The following GRXCR2 variants were observed in gnomAD, a reference collection of about 807,000 sequenced individuals.
The protein encoded by GRXCR2 is glutaredoxin domain-containing cysteine-rich protein 2.
In GRXCR2, 23 loss-of-function variants were observed where a neutral mutation model predicts 24.8. The ratio of observed to expected loss-of-function variants is 0.93; its 90% CI spans 0.67 to 1.32. The LOEUF (loss-of-function observed/expected upper bound fraction) is 1.32. Ranked by LOEUF, GRXCR2 falls within the 40% of genes most tolerant of loss-of-function variation. The probability of loss-of-function intolerance (pLI) is 0.00; values close to 1 mark genes in which losing one functional copy is unlikely to be tolerated. For missense variants in GRXCR2, 315 were observed against 303.4 expected (o/e 1.04, Z -0.28); for synonymous variants, 130 against 116.1 (o/e 1.12, Z -0.77).
intron 2 of GRXCR2, among the ~76,000 whole-genome samples, chr5:145,881,322 T>G (rs1756697743): frequency 1.3e-5 from 2 of 152,224 alleles, no homozygotes; most frequent in Admixed American, 1.3e-4. Context: ...GATAAGCAAC[T>G]TCAGCAAAGT....
intron 2 of GRXCR2, among the ~76,000 whole-genome samples, chr5:145,914,620 G>A (rs1339761873): frequency 6.9e-6 from 1 of 144,432 alleles, no homozygotes; most frequent in Non-Finnish European, 1.5e-5. Flanking sequence ...AGGTTGCAGT[G>A]AGCCGAGATG....
intron 2 of GRXCR2, among the ~76,000 whole-genome samples, chr5:145,885,214 TC>T (rs1237739610): frequency 1.1e-4 from 16 of 152,122 alleles, no homozygotes; most frequent in Admixed American, 9.8e-4. Flanking sequence ...TAGTTATTGA[TC>T]ATTTGTAGAG....
chr5:145,881,931 A>G (rs1224686686), intron 2 of GRXCR2, among the ~76,000 whole-genome samples: 1 of 152,206 alleles, frequency 6.6e-6, no homozygotes, highest in African/African-American at 2.4e-5. Flanking sequence ...AGGATTCCCT[A>G]TTTCATAAAT....
chr5:145,911,154 A>C (rs902883105), intron 2 of GRXCR2, among the ~76,000 whole-genome samples: 3 of 152,198 alleles, frequency 2.0e-5, no homozygotes, highest in African/African-American at 7.2e-5. Flanking sequence ...TGTACTGATC[A>C]CCACAAATTA....
chr5:145,867,413 C>T (rs569085550), intron 1 of GRXCR2, among the ~76,000 whole-genome samples: 112 of 152,198 alleles, frequency 7.4e-4, no homozygotes, highest in African/African-American at 2.6e-3. Context: ...CCAAAAAATA[C>T]GATCATAATA....
At chr5:145,896,511 A>C (rs532299894) in intron 2 of GRXCR2, among the ~76,000 whole-genome samples, 19 of 152,366 alleles carry the variant, frequency 1.2e-4, no homozygotes, top group African/African-American at 4.6e-4. Flanking sequence ...ACATTCATGC[A>C]GCCAAAAGGC....
At chr5:145,909,984 T>C (rs1757143208) in intron 2 of GRXCR2, among the ~76,000 whole-genome samples, 1 of 152,190 alleles carries the variant, frequency 6.6e-6, no homozygotes, top group South Asian at 2.1e-4. Flanking sequence ...AGGCTGGTGC[T>C]AAACTGTAAG....
intron 2 of GRXCR2, among the ~76,000 whole-genome samples, chr5:145,895,313 A>G (rs1308582761): frequency 2.0e-5 from 3 of 151,970 alleles, no homozygotes; most frequent in Non-Finnish European, 2.9e-5. Context: ...GGAAATAAAG[A>G]GTATTCGACT....
intron 2 of GRXCR2, among the ~76,000 whole-genome samples, chr5:145,929,949 C>A (rs1468547649): frequency 6.6e-6 from 1 of 151,916 alleles, no homozygotes; most frequent in Non-Finnish European, 1.5e-5. Flanking sequence ...CCTGGGGTAC[C>A]CTAACCCAAA....
intron 2 of GRXCR2, among the ~76,000 whole-genome samples, chr5:145,901,239 C>T (rs961619059): frequency 1.3e-5 from 2 of 151,882 alleles, no homozygotes; most frequent in African/African-American, 2.4e-5. Flanking sequence ...ATACCCCTGA[C>T]CTCAGCATCA....
rs114823550 is a variant in GRXCR2, at chr5:145,918,479, G to A, written c.-70+17222C>T. ...AAAGTAAATATTTTGTAGTTCCACA[G>A]AAGGAAGGACTGAGAGTTCTCACAA... On this transcript the variant is annotated intron_variant, in intron 2 of 3. Transcript: ENST00000639411. Among the ~76,000 whole-genome samples, 429 of 152,290 alleles carry A rather than the reference G, an allele frequency of 2.8e-3. 2 individuals carry two copies. The highest frequency in any genetic ancestry group is 0.01 in the African/African-American group (419 of 41,562).
intron 2 of GRXCR2, among the ~76,000 whole-genome samples, chr5:145,926,593 G>A (rs1757400579): frequency 6.6e-6 from 1 of 152,152 alleles, no homozygotes; most frequent in Non-Finnish European, 1.5e-5. Context: ...CTATATCTCT[G>A]TGTTGGTACC....
In GRXCR2 at chr5:145,859,664, G is replaced by C. The variant is rs1043984014; in HGVS notation, c.*69C>G. ...CTTGTTGGGAGAGGCAGGAGGAGGA[G>C]AAGGGGGCGGTTTATTAGAAATAAC... On this transcript the variant is annotated 3_prime_UTR_variant, in exon 3 of 3. Transcript: ENST00000377976. 4.8e-6 allele frequency: 7 copies of C among 1,461,446 alleles called. No homozygotes were observed. The highest frequency in any genetic ancestry group is 6.7e-6 in the Non-Finnish European group (7 of 1,047,180). 90.5% of individuals were successfully genotyped at this position (1,461,446 alleles called of 1,614,324 possible).
At chr5:145,913,567 A>T (rs746945670) in intron 2 of GRXCR2, among the ~76,000 whole-genome samples, 58 of 152,194 alleles carry the variant, frequency 3.8e-4, no homozygotes, top group Non-Finnish European at 6.0e-4. Flanking sequence ...TTTATGAAAA[A>T]CTTAATACAT....
Position 145,887,364 on chromosome 5 carries a change from C to T in GRXCR2, c.-69-20636G>A, listed in dbSNP as rs549596562. On this transcript the variant is annotated intron_variant, in intron 2 of 3. Transcript: ENST00000639411. ...CTAGCTACATTTCAAGGCCAGTAGTCGCTTATTACTTGTCGCTACCCTATT... is the reference window on the plus strand; with the variant it reads ...CTAGCTACATTTCAAGGCCAGTAGTTGCTTATTACTTGTCGCTACCCTATT... Among the ~76,000 whole-genome samples the T allele has an allele frequency of 8.5e-5, 13 of 152,322 alleles. 1 individual carries two copies. The South Asian group carries it at 2.5e-3, about 29-fold the overall frequency.
chr5:145,887,845 G>A (rs1229496462), intron 2 of GRXCR2, among the ~76,000 whole-genome samples: 5 of 152,142 alleles, frequency 3.3e-5, no homozygotes, highest in Admixed American at 3.3e-4. Context: ...AGCGTTTGTA[G>A]CCATCCCAAT....
At chr5:145,880,478 C>A (rs1756685786) in intron 2 of GRXCR2, among the ~76,000 whole-genome samples, 1 of 151,638 alleles carries the variant, frequency 6.6e-6, no homozygotes, top group Non-Finnish European at 1.5e-5. Flanking sequence ...CACATTCACC[C>A]TCCCAAGACA....
At chr5:145,888,185 G>A (rs1756802603) in intron 2 of GRXCR2, among the ~76,000 whole-genome samples, 1 of 152,180 alleles carries the variant, frequency 6.6e-6, no homozygotes, top group Admixed American at 6.6e-5. Flanking sequence ...GGGAGGAGAG[G>A]GAACTCAGGC....
In GRXCR2 at chr5:145,859,055, G is replaced by C. The variant is rs1047980323; in HGVS notation, c.*678C>G. The C allele has an allele frequency of 6.6e-6, 1 of 152,194 alleles. No individual in the cohort carries two copies. Among genetic ancestry groups the C allele is most frequent in the African/African-American group, 2.4e-5 (1 of 41,426 alleles). The allele number at this position is 152,194 out of a possible 1,614,324, so 9.4% of individuals were successfully genotyped here. A position where few individuals can be genotyped will look rare whatever the true frequency, so the allele number is the denominator to read the frequency against. On this transcript the variant is annotated 3_prime_UTR_variant, in exon 3 of 3. Coordinates refer to ENST00000377976, the MANE Select transcript of GRXCR2 (RefSeq NM_001080516.2). ...AACTTTGACTTGGCTTATAACCTCA[G>C]TAGTTAGAGGCACACAAAAATGTCT...
Sources: gnomAD v4.1 joint callset for allele counts (sites outside exome capture counted in the v4.1 genomes callset) on GRCh38, gnomAD v4.1.1 for gene constraint, MANE v1.5 for transcripts, NCBI Gene and HGNC (gene_info 2026-07-23, HGNC 2026-07-21) for gene names.